TENM2: variants seen among roughly 807,000 people sequenced by gnomAD.
TENM2 encodes teneurin-2.
A neutral mutation model predicts 245.2 loss-of-function variants in TENM2; 52 were observed. That is an observed-to-expected ratio of 0.21 (90% CI 0.17 to 0.27). The LOEUF is 0.27. Among genes scored for constraint, TENM2 ranks in the 10% least tolerant of loss-of-function variants. The probability of loss-of-function intolerance (pLI) is 1.00; values close to 1 mark genes in which losing one functional copy is unlikely to be tolerated. For synonymous variants in TENM2, 1,363 were observed against 1,438.9 expected (o/e 0.95, Z 1.19); for missense variants, 3,046 against 3,666.8 (o/e 0.83, Z 4.37).
chr5:167,046,084 G>A, the TENM2 span, among the ~76,000 whole-genome samples: 4 of 152,102 alleles, frequency 2.6e-5, no homozygotes, highest in African/African-American at 9.7e-5. Context: ...GCCACTTACT[G>A]TCTTGCTTTC....
intron 1 of TENM2, chr5:167,303,454 G>A (rs112975689): frequency 0.13 from 19,999 of 152,164 alleles, 1,447 homozygotes; most frequent in African/African-American, 0.19. Context: ...GTTCTCTGGC[G>A]GGCTGGAGTG....
chr5:167,438,235 T>A (rs1488001584), intron 2 of TENM2, among the ~76,000 whole-genome samples: 1 of 152,220 alleles, frequency 6.6e-6, no homozygotes, highest in Non-Finnish European at 1.5e-5. Flanking sequence ...CAAAAAGTGT[T>A]CCTCTGATGT....
chr5:167,512,137 A>G (rs1183720702), intron 2 of TENM2, among the ~76,000 whole-genome samples: 1 of 152,206 alleles, frequency 6.6e-6, no homozygotes, highest in Admixed American at 6.5e-5. Context: ...TAAAAAACTC[A>G]AAAAACACCT....
At chr5:167,952,617 C>A in exon 4 of TENM2, 1 of 1,612,338 alleles carries the variant, frequency 6.2e-7, no homozygotes, top group Non-Finnish European at 8.5e-7. Flanking sequence ...CCAGTCGACT[C>A]TGAGGCCCCC....
chr5:167,092,574 T>A, the TENM2 span, among the ~76,000 whole-genome samples: 26 of 152,312 alleles, frequency 1.7e-4, no homozygotes, highest in South Asian at 5.0e-3. Context: ...TTTATGTGGA[T>A]CATCTCCCTA....
At chr5:168,057,627 G>T (rs1789664176) in intron 6 of TENM2, among the ~76,000 whole-genome samples, 1 of 152,038 alleles carries the variant, frequency 6.6e-6, no homozygotes, top group African/African-American at 2.4e-5. Flanking sequence ...CTTAATCTAA[G>T]GATTTTCTCA....
At chr5:168,190,827 G>T in intron 14 of TENM2, 1 of 291,250 alleles carries the variant, frequency 3.4e-6, no homozygotes. Context: ...TTTAAAATCT[G>T]TTATTTTATG....
chr5:167,873,640 T>C (rs950631720), intron 2 of TENM2, among the ~76,000 whole-genome samples: 2 of 152,216 alleles, frequency 1.3e-5, no homozygotes, highest in African/African-American at 4.8e-5. Context: ...CAGATAGTTA[T>C]TGTGTAAGAA....
chr5:167,873,943 T>C (rs1266801050), intron 2 of TENM2, among the ~76,000 whole-genome samples: 3 of 152,172 alleles, frequency 2.0e-5, no homozygotes, highest in African/African-American at 7.2e-5. Flanking sequence ...ATTTAAGCTT[T>C]AAGAGTATCT....
chr5:167,121,065 A>G, the TENM2 span, among the ~76,000 whole-genome samples: 267 of 151,174 alleles, frequency 1.8e-3, no homozygotes, highest in Middle Eastern at 0.062. Flanking sequence ...GTGGCAAGAT[A>G]CTTCATTAAT....
chr5:167,796,479 C>T (rs1765327155), intron 2 of TENM2, among the ~76,000 whole-genome samples: 1 of 152,172 alleles, frequency 6.6e-6, no homozygotes, highest in South Asian at 2.1e-4. Flanking sequence ...ATGTACTCAA[C>T]TCGCAGCAAT....
At chr5:167,583,752 A>G (rs552291990) in intron 2 of TENM2, among the ~76,000 whole-genome samples, 2 of 152,174 alleles carry the variant, frequency 1.3e-5, no homozygotes, top group East Asian at 3.9e-4. Context: ...CCCATACAGC[A>G]TCTCCCCTGC....
In TENM2 at chr5:168,203,599, A is replaced by G. The variant is rs957244646; in HGVS notation, c.3431-90A>G. On this transcript the variant is annotated intron_variant, in intron 17 of 28. Transcript: ENST00000518659. ...GAACAGAATCTGTATTACTGCGAAC[A>G]CGTGCTTCTCATTCTTGCTACAGAG... The G allele has an allele frequency of 3.0e-6, 4 of 1,340,682 alleles. No homozygotes were observed. The Admixed American group carries it at 6.5e-5, about 22-fold the overall frequency. 83.0% of individuals were successfully genotyped at this position (1,340,682 alleles called of 1,614,324 possible). A position where few individuals can be genotyped will look rare whatever the true frequency, so the allele number is the denominator to read the frequency against.
In TENM2 at chr5:167,386,212, CG is replaced by C. The variant is rs1581906918; in HGVS notation, c.502+10741del. On this transcript the variant is annotated intron_variant, in intron 2 of 28. Coordinates refer to ENST00000518659, the Ensembl canonical transcript of TENM2. Reference sequence around the variant, plus strand: ...GATTTTTTGATTATAGCCATTCTTGCGGCAGTAAAGTGGTATCACATTGTGG... The same window carrying C: ...GATTTTTTGATTATAGCCATTCTTGCGCAGTAAAGTGGTATCACATTGTGG... Among the ~76,000 whole-genome samples the C allele has an allele frequency of 2.0e-5, 3 of 152,022 alleles. No homozygotes were observed. In the South Asian group the frequency reaches 6.2e-4, roughly 31 times the overall value.
chr5:168,250,116 A>C (rs750684051), intron 27 of TENM2, among the ~76,000 whole-genome samples: 1 of 19,200 alleles, frequency 5.2e-5, no homozygotes, highest in East Asian at 4.2e-4. Flanking sequence ...GGATGGATGG[A>C]TGGATGGATG....
intron 2 of TENM2, among the ~76,000 whole-genome samples, chr5:167,751,234 TGC>T: frequency 6.6e-6 from 1 of 152,156 alleles, no homozygotes; most frequent in Non-Finnish European, 1.5e-5. Flanking sequence ...CTATGGACTC[TGC>T]CTTAACAAAA....
At chr5:167,828,584 TG>T (rs1336304999) in intron 2 of TENM2, among the ~76,000 whole-genome samples, 7 of 152,212 alleles carry the variant, frequency 4.6e-5, no homozygotes, top group Non-Finnish European at 1.0e-4. Flanking sequence ...TGAACTCATG[TG>T]TTCACTATTT....
At chr5:168,028,044 A>G (rs1314901629) in intron 5 of TENM2, among the ~76,000 whole-genome samples, 1 of 152,222 alleles carries the variant, frequency 6.6e-6, no homozygotes, top group Non-Finnish European at 1.5e-5. Context: ...GAGCTTGCAG[A>G]GATCTTTGGG....
the TENM2 span, among the ~76,000 whole-genome samples, chr5:167,228,378 T>C: frequency 6.6e-6 from 1 of 151,812 alleles, no homozygotes; most frequent in South Asian, 2.1e-4. Flanking sequence ...AACTTTCAAA[T>C]GTATTTTGTA....
Sources: gnomAD v4.1 joint callset for allele counts (sites outside exome capture counted in the v4.1 genomes callset) on GRCh38, gnomAD v4.1.1 for gene constraint, MANE v1.5 for transcripts, NCBI Gene and HGNC (gene_info 2026-07-23, HGNC 2026-07-21) for gene names.